Variants in ZDHHC14 observed in about 807,000 individuals in gnomAD.
ZDHHC14 encodes zDHHC palmitoyltransferase 14.
In ZDHHC14, 16 loss-of-function variants were observed where a neutral mutation model predicts 47.7. That is an observed-to-expected ratio of 0.34 (90% CI 0.23 to 0.51). The LOEUF (loss-of-function observed/expected upper bound fraction) is 0.51. Among genes scored for constraint, ZDHHC14 ranks in the 20% least tolerant of loss-of-function variants. The probability of loss-of-function intolerance (pLI) is 0.97; values close to 1 mark genes in which losing one functional copy is unlikely to be tolerated. For missense variants in ZDHHC14, 515 were observed against 662.5 expected (o/e 0.78, Z 2.44); for synonymous variants, 293 against 278.9 (o/e 1.05, Z -0.50).
chr6:157,670,129 C>A (rs1481977527), intron 8 of ZDHHC14, among the ~76,000 whole-genome samples: 3 of 152,192 alleles, frequency 2.0e-5, no homozygotes, highest in African/African-American at 7.2e-5. Context: ...GTAGCCCCCA[C>A]CGGAAGGGAC....
intron 1 of ZDHHC14, among the ~76,000 whole-genome samples, chr6:157,523,695 A>C (rs535785648): frequency 8.7e-4 from 132 of 151,922 alleles, no homozygotes; most frequent in African/African-American, 3.0e-3. Flanking sequence ...CAGGAGTTCG[A>C]GACCAGTCTG....
Position 157,533,641 on chromosome 6 carries a change from G to A in ZDHHC14, c.246-8944G>A, listed in dbSNP as rs190210310. 3.9e-5 allele frequency among the ~76,000 whole-genome samples: 6 copies of A among 152,228 alleles called. No homozygotes were observed. The East Asian group carries it at 5.8e-4, about 15-fold the overall frequency. On this transcript the variant is annotated intron_variant, in intron 1 of 8. Transcript: ENST00000359775. Reference sequence around the variant, plus strand: ...AGGAGCCAGATGGCTTTGTAGCCTCGGCAAGTACCTGGCTTTAGTTCTGAG... The same window carrying A: ...AGGAGCCAGATGGCTTTGTAGCCTCAGCAAGTACCTGGCTTTAGTTCTGAG...
chr6:157,492,389 C>G (rs552148336), intron 1 of ZDHHC14, among the ~76,000 whole-genome samples: 1 of 152,294 alleles, frequency 6.6e-6, no homozygotes, highest in Non-Finnish European at 1.5e-5. Flanking sequence ...CTCTGCCCTT[C>G]CCCTTCAGCC....
At chr6:157,454,495 C>CTTCTTTT (rs1470429410) in intron 1 of ZDHHC14, among the ~76,000 whole-genome samples, 4 of 95,006 alleles carry the variant, frequency 4.2e-5, no homozygotes, top group African/African-American at 1.4e-4. Context: ...AATGCAGCTT[C>CTTCTTTT]TTCTTTTTTT....
chr6:157,646,057 A>G (rs1254567077), intron 6 of ZDHHC14, among the ~76,000 whole-genome samples: 2 of 152,158 alleles, frequency 1.3e-5, no homozygotes, highest in Non-Finnish European at 2.9e-5. Flanking sequence ...GACCACATCC[A>G]TTAGTTACTA....
At chr6:157,650,143 A>C (rs1363175988) in intron 7 of ZDHHC14, among the ~76,000 whole-genome samples, 1 of 152,222 alleles carries the variant, frequency 6.6e-6, no homozygotes, top group Non-Finnish European at 1.5e-5. Context: ...TCTGGGCAGC[A>C]GGGACTGTCC....
rs1204164163 is a variant in ZDHHC14, at chr6:157,653,545, A to T, written c.986A>T (p.Tyr329Phe). 8.1e-6 allele frequency: 13 copies of T among 1,613,860 alleles called. No individual in the cohort carries two copies. The highest frequency in any genetic ancestry group is 1.1e-5 in the Non-Finnish European group (13 of 1,179,940). The stretch of plus-strand genomic sequence containing the variant: ...CGCAGCCTGATCGACAGAAGAGGGT[A>T]CATCCAGCCCGACACGCCGCAGCCA... Reference protein sequence around the residue: ...ISPSLIDRRGYIQPDTPQPAA... With the variant: ...ISPSLIDRRGFIQPDTPQPAA... The change falls in exon 8 of 9, where the codon TAC (tyrosine) becomes TTC (phenylalanine). Residue 329 changes from tyrosine (Y) to phenylalanine (F), a missense_variant. Physicochemically the swap from Tyr to Phe is conservative, Grantham distance 22 (BLOSUM62 3). Around this residue, in one of 4 missense-constraint regions of ZDHHC14, gnomAD observed 221 missense variants for 233.6 expected, o/e 0.95. Transcript: ENST00000359775.
chr6:157,567,570 C>T (rs186179447), intron 2 of ZDHHC14, among the ~76,000 whole-genome samples: 1 of 152,134 alleles, frequency 6.6e-6, no homozygotes, highest in Non-Finnish European at 1.5e-5. Flanking sequence ...AATCCCAACA[C>T]TTTGGGAGGT....
At chr6:157,433,560 C>T (rs560502298) in intron 1 of ZDHHC14, among the ~76,000 whole-genome samples, 2 of 152,322 alleles carry the variant, frequency 1.3e-5, no homozygotes, top group Admixed American at 6.5e-5. Context: ...TTACCCTCCA[C>T]GGGACTGTTT....
At chr6:157,657,045 GGTATTT>G (rs1029490456) in intron 8 of ZDHHC14, among the ~76,000 whole-genome samples, 2 of 132,074 alleles carry the variant, frequency 1.5e-5, no homozygotes, top group African/African-American at 5.6e-5. Flanking sequence ...ACACACAAAG[GGTATTT>G]GTATTTTTTT....
chr6:157,656,344 C>CTTTTTTTTTTTTTTTTTT (rs139902125), intron 8 of ZDHHC14, among the ~76,000 whole-genome samples: 1 of 150,054 alleles, frequency 6.7e-6, no homozygotes, highest in African/African-American at 2.5e-5. Flanking sequence ...CTTTTCTTTT[C>CTTTTTTTTTTTTTTTTTT]TTTTTTTTGA....
At chr6:157,625,982 T>A (rs867533227) in intron 3 of ZDHHC14, among the ~76,000 whole-genome samples, 1 of 152,174 alleles carries the variant, frequency 6.6e-6, no homozygotes, top group Non-Finnish European at 1.5e-5. Flanking sequence ...CATCATCTGT[T>A]GCTTTCATTT....
chr6:157,393,271 G>A (rs1185418414), intron 1 of ZDHHC14, among the ~76,000 whole-genome samples: 1 of 152,296 alleles, frequency 6.6e-6, no homozygotes, highest in South Asian at 2.1e-4. Context: ...TTTAAAAACT[G>A]CTGACTTCCA....
intron 1 of ZDHHC14, among the ~76,000 whole-genome samples, chr6:157,536,915 T>G (rs1781564696): frequency 1.8e-5 from 1 of 54,374 alleles, no homozygotes; most frequent in Admixed American, 2.2e-4. Flanking sequence ...GCCTCCCGGG[T>G]TCACGCCATT....
At chr6:157,468,525 T>C (rs1194532446) in intron 1 of ZDHHC14, among the ~76,000 whole-genome samples, 1 of 152,206 alleles carries the variant, frequency 6.6e-6, no homozygotes, top group African/African-American at 2.4e-5. Flanking sequence ...TTTATATGAG[T>C]ACTACAGCAA....
chr6:157,488,287 C>T (rs915269731), intron 1 of ZDHHC14, among the ~76,000 whole-genome samples: 20 of 152,196 alleles, frequency 1.3e-4, no homozygotes, highest in Non-Finnish European at 2.9e-4. Flanking sequence ...AGACTCCAGG[C>T]CTGGGAATCT....
chr6:157,583,565 G>A (rs559387719), intron 2 of ZDHHC14, among the ~76,000 whole-genome samples: 1 of 152,198 alleles, frequency 6.6e-6, no homozygotes, highest in South Asian at 2.1e-4. Context: ...TGGTGTTGAA[G>A]TTTTGGGCTT....
At chr6:157,563,315 T>A (rs1782782347) in intron 2 of ZDHHC14, among the ~76,000 whole-genome samples, 2 of 152,220 alleles carry the variant, frequency 1.3e-5, no homozygotes, top group African/African-American at 4.8e-5. Context: ...GCGTTAAGCG[T>A]GCCTCTTCCC....
At chr6:157,496,175 C>T (rs1780058651) in intron 1 of ZDHHC14, among the ~76,000 whole-genome samples, 1 of 152,148 alleles carries the variant, frequency 6.6e-6, no homozygotes, top group African/African-American at 2.4e-5. Flanking sequence ...AACCAGTAGC[C>T]AGCAACCTCT....
Sources: gnomAD v4.1 joint callset for allele counts (sites outside exome capture counted in the v4.1 genomes callset) on GRCh38, gnomAD v4.1.1 for gene constraint, gnomAD v4.1.1 regional missense constraint, MANE v1.5 for transcripts, NCBI Gene and HGNC (gene_info 2026-07-23, HGNC 2026-07-21) for gene names.